Variants in ANKZF1 observed in about 807,000 individuals in gnomAD.
ANKZF1 encodes the protein tRNA endonuclease ANKZF1.
In ANKZF1, 84 loss-of-function variants were observed where a neutral mutation model predicts 86.0. The observed-to-expected ratio is 0.98, with a 90% confidence interval of 0.82 to 1.17. The LOEUF (loss-of-function observed/expected upper bound fraction) is 1.17, where lower values mean the gene tolerates loss of function less well. Among genes scored for constraint, ANKZF1 ranks in the 50% most tolerant of loss-of-function variants. ANKZF1 has a pLI of 0.00. For synonymous variants in ANKZF1, 331 were observed against 354.2 expected (o/e 0.93, Z 0.74); for missense variants, 893 against 918.4 (o/e 0.97, Z 0.36).
chr2:219,232,950 TG>T, intron 5 of ANKZF1, 128 bp from the exon 6 acceptor site: 1 of 984,584 alleles, frequency 1.0e-6, no homozygotes, highest in Non-Finnish European at 1.5e-6. Context: ...CAAATTTCCT[TG>T]TTTGTCAAAT....
chr2:219,233,784 C>T lies in ANKZF1; in HGVS notation c.889C>T (p.Arg297Cys), dbSNP rs57075420. The T allele has an allele frequency of 6.5e-4, 1,044 of 1,614,088 alleles. 7 individuals are homozygous for T. In the East Asian group the frequency reaches 0.019, roughly 29 times the overall value. The stretch of plus-strand genomic sequence containing the variant: ...GGAGGAGGCTGGTACAATACTGTTG[C>T]GTGCTCCCCGCTCTGGCCGGTCTTT... The part of the protein sequence containing the change: ...ALEEAGTILL[R>C]APRSGRSLFF... The change falls in exon 8 of 14, where the codon CGT (arginine) becomes TGT (cysteine). Residue 297 changes from arginine (R) to cysteine (C), a missense_variant. By Grantham distance (180) the Arg-to-Cys change is radical. Coordinates refer to ENST00000323348, the MANE Select transcript of ANKZF1 (RefSeq NM_018089.3).
Position 219,235,057 on chromosome 2 carries a change from T to G in ANKZF1, c.1436T>G (p.Leu479Trp). Residue 479 changes from leucine (L) to tryptophan (W), a missense_variant, in exon 10 of 14, where the codon TTG (leucine) becomes TGG (tryptophan). Coordinates refer to ENST00000323348, the MANE Select transcript of ANKZF1 (RefSeq NM_018089.3). ...TQSSQAVAAPLGPLLDEAKAP... is the reference protein window; with the variant it reads ...TQSSQAVAAPWGPLLDEAKAP... ...TCATCCCAGGCAGTTGCTGCCCCCT[T>G]GGGCCCTTTGCTGGATGAGGCCAAA... The G allele has an allele frequency of 6.2e-7, 1 of 1,614,260 alleles. No homozygotes were observed.
Position 219,235,954 on chromosome 2 carries a change from T to C in ANKZF1, c.1972-56T>C, listed in dbSNP as rs550693573. On this transcript the variant is annotated intron_variant, in intron 12 of 13. Transcript: ENST00000323348. ...TTCCCCAGCGTGCAGCTGTCACCTC[T>C]TGGGTGCCCTACTCGCCACTGGGGC... 1.9e-6 allele frequency: 3 copies of C among 1,613,942 alleles called. No individual in the cohort carries two copies. The East Asian group carries it at 6.7e-5, about 36-fold the overall frequency.
chr2:219,234,176 A>G lies in ANKZF1; in HGVS notation c.1092A>G (p.Thr364=), dbSNP rs780416274. The change falls in exon 9 of 14, where the codon ACA becomes ACG. Residue 364 remains threonine, a synonymous_variant. Coordinates refer to ENST00000323348, the MANE Select transcript of ANKZF1 (RefSeq NM_018089.3). ...CAGTCAGACTGCACTCACCTCAGAC[A>G]CACTGGAAAACAGTAAGAGAGGAGA... ...REAVRLHSPQ[T]HWKTVREERK... 1 of 1,614,144 alleles carries G rather than the reference A, an allele frequency of 6.2e-7. No individual in the cohort carries two copies. The highest frequency in any genetic ancestry group is 8.5e-7 in the Non-Finnish European group (1 of 1,180,028).
Position 219,233,303 on chromosome 2 carries a change from A to G in ANKZF1, c.689A>G (p.His230Arg), listed in dbSNP as rs776242471. 2 of 1,614,274 alleles carry G rather than the reference A, an allele frequency of 1.2e-6. No homozygotes were observed. Among genetic ancestry groups the G allele is most frequent in the African/African-American group, 1.3e-5 (1 of 75,082 alleles). The stretch of plus-strand genomic sequence containing the variant: ...GTCTACAGAAGAGAAGTGGTGACAC[A>G]CAAAACTTTTCACCGCTATACGGTT... ...AIFQGREVVT[H>R]KTFHRYTVRA... The change falls in exon 7 of 14, where the codon CAC becomes CGC. Residue 230 changes from histidine to arginine, a missense_variant. His to Arg is a conservative substitution (Grantham distance 29, BLOSUM62 0). Coordinates refer to ENST00000323348, the MANE Select transcript of ANKZF1 (RefSeq NM_018089.3).
chr2:219,232,482 G>A lies in ANKZF1; in HGVS notation c.365-8G>A. ...CAAACTTGTGTATCTCATATTGTCT[G>A]TCTTCAGGAGATCTTTCCAGCATCT... On this transcript the variant is annotated splice_region_variant and splice_polypyrimidine_tract_variant and intron_variant, in intron 4 of 13. Transcript: ENST00000323348. 1 of 1,614,032 alleles carries A rather than the reference G, an allele frequency of 6.2e-7. No homozygotes were observed. Among genetic ancestry groups the A allele is most frequent in the East Asian group, 2.2e-5 (1 of 44,890 alleles).
intron 8 of ANKZF1, 84 bp downstream of exon 8, chr2:219,234,027 G>A (rs1379413488): frequency 6.5e-7 from 1 of 1,534,308 alleles, no homozygotes; most frequent in African/African-American, 1.4e-5. Context: ...TATATCCAGA[G>A]GATTTTCTAA....
chr2:219,233,088 G>A lies in ANKZF1; in HGVS notation c.568G>A (p.Glu190Lys). ...CTTCTCTGTCATCAAGGATCCCCCAGAAGAGGCAGAACTGCTGCTACAGAA... is the reference window on the plus strand; with the variant it reads ...CTTCTCTGTCATCAAGGATCCCCCAAAAGAGGCAGAACTGCTGCTACAGAA... ...CVLGPHQDPP[E>K]EAELLLQNLQ... The change falls in exon 6 of 14, where the codon GAA becomes AAA. Residue 190 changes from glutamate to lysine, a missense_variant. By Grantham distance (56) the Glu-to-Lys change is moderately conservative. Transcript: ENST00000323348. 6.2e-7 allele frequency: 1 copy of A among 1,613,840 alleles called. No homozygotes were observed. Among genetic ancestry groups the A allele is most frequent in the Non-Finnish European group, 8.5e-7 (1 of 1,179,950 alleles).
In ANKZF1 at chr2:219,233,885, A is replaced by C; in HGVS notation, c.990A>C (p.Arg330Ser). The C allele has an allele frequency of 6.2e-7, 1 of 1,610,392 alleles. No homozygotes were observed. The highest frequency in any genetic ancestry group is 8.5e-7 in the Non-Finnish European group (1 of 1,178,330). ...GGGATATCCCCCTCGCCACCCGCAG[A>C]CCCACCTTCCAAGAGCTACAGCGTG... The part of the protein sequence containing the change: ...RLWDIPLATR[R>S]PTFQELQRVL... The change falls in exon 8 of 14, where the codon AGA (arginine) becomes AGC (serine). Residue 330 changes from arginine (R) to serine (S), a missense_variant. Transcript: ENST00000323348.
intron 5 of ANKZF1, 87 bp from the exon 6 acceptor site, chr2:219,232,992 T>C: frequency 2.4e-6 from 3 of 1,243,750 alleles, no homozygotes; most frequent in Non-Finnish European, 3.5e-6. Flanking sequence ...TAATATTAAA[T>C]GAGATAATGT....
rs1309151066 is a variant in ANKZF1 at position 219,236,456 on chromosome 2, C to G, written c.*11C>G. On this transcript the variant is annotated 3_prime_UTR_variant, in exon 14 of 14. Transcript: ENST00000323348. ...AGGCCCTCTTCCTGATCTCTTACAG[C>G]TCTACCTGGGGCCAACTCAGGGACC... is the stretch of plus-strand genomic sequence containing the variant. 7 of 1,573,934 alleles carry G rather than the reference C, an allele frequency of 4.4e-6. No individual in the cohort carries two copies. In the East Asian group the frequency reaches 1.6e-4, roughly 35 times the overall value.
chr2:219,233,300 C>G lies in ANKZF1; in HGVS notation c.686C>G (p.Thr229Arg). 3.7e-6 allele frequency: 6 copies of G among 1,614,248 alleles called. No individual in the cohort carries two copies. Among genetic ancestry groups the G allele is most frequent in the Non-Finnish European group, 5.1e-6 (6 of 1,180,046 alleles). ...GCTGTCTACAGAAGAGAAGTGGTGACACACAAAACTTTTCACCGCTATACG... is the reference window on the plus strand; with the variant it reads ...GCTGTCTACAGAAGAGAAGTGGTGAGACACAAAACTTTTCACCGCTATACG... ...GAIFQGREVV[T>R]HKTFHRYTVR... Residue 229 changes from threonine (T) to arginine (R), a missense_variant, in exon 7 of 14, where the codon ACA (threonine) becomes AGA (arginine). By Grantham distance (71) the Thr-to-Arg change is moderately conservative. Transcript: ENST00000323348.
At chr2:219,235,411 G>A (rs75928081) in intron 10 of ANKZF1, 63 bp from the exon 11 acceptor site, 42,090 of 1,606,334 alleles carry the variant, frequency 0.026, 696 homozygotes, top group Non-Finnish European at 0.032. Flanking sequence ...CCTTGGTCTG[G>A]TTGGGTGATG....
At position 219,235,313 on chromosome 2, in the gene ANKZF1, G is replaced by A. The variant is rs758768090; in HGVS notation, c.1691+1G>A. Reference sequence around the variant, plus strand: ...AAGCAGGTGCTGACCCCACTGTGCAGTGAGTAAAGGTCCCCATCCTGAGTC... The same window carrying A: ...AAGCAGGTGCTGACCCCACTGTGCAATGAGTAAAGGTCCCCATCCTGAGTC... On this transcript the variant is annotated splice_donor_variant, in intron 10 of 13. Transcript: ENST00000323348. LOFTEE classifies it high-confidence loss of function. 1.2e-6 allele frequency: 2 copies of A among 1,608,178 alleles called. No individual in the cohort carries two copies. The highest frequency in any genetic ancestry group is 2.2e-5 in the East Asian group (1 of 44,818).
intron 2 of ANKZF1, chr2:219,231,502 C>T: frequency 5.3e-6 from 1 of 186,954 alleles, no homozygotes; most frequent in Non-Finnish European, 1.1e-5. Flanking sequence ...TCATGCCGTT[C>T]TCCTGCCTCA....
chr2:219,232,141 A>C, intron 3 of ANKZF1, 101 bp downstream of exon 3: 2 of 1,412,936 alleles, frequency 1.4e-6, no homozygotes, highest in Non-Finnish European at 2.0e-6. Flanking sequence ...CCATGCTTTG[A>C]CTGAGGCAGT....
rs1335251961 is a variant in ANKZF1 at position 219,232,690 on chromosome 2, GACAGT to G, written c.558+12_558+16del. Reference sequence around the variant, plus strand: ...TGTCCTAGGCCCTCATCAGGCAAGTGACAGTACAGGTTGCATGGCTAACCCCAGCC... The same window carrying G: ...TGTCCTAGGCCCTCATCAGGCAAGTGACAGGTTGCATGGCTAACCCCAGCC... On this transcript the variant is annotated splice_region_variant and intron_variant, in intron 5 of 13. Coordinates refer to ENST00000323348, the MANE Select transcript of ANKZF1 (RefSeq NM_018089.3). 1 of 1,612,924 alleles carries G rather than the reference GACAGT, an allele frequency of 6.2e-7. No homozygotes were observed. Among genetic ancestry groups the G allele is most frequent in the Non-Finnish European group, 8.5e-7 (1 of 1,179,688 alleles).
intron 9 of ANKZF1, chr2:219,234,622 C>T (rs1951147537): frequency 1.4e-6 from 1 of 727,760 alleles, no homozygotes; most frequent in Non-Finnish European, 2.2e-6. Context: ...TAAGGCTACT[C>T]ATACGGAGAG....
rs1951201216 is a variant in ANKZF1, at chr2:219,235,805, GGCAGCA to G, written c.1903_1908del (p.Gln635_Gln636del). ...CGGCAACGGGAGGAACAGCAGCAGA[GGCAGCA>G]GGAGCAGGAGGAGCGTGAACGAGAA... On this transcript the variant is annotated inframe_deletion, in exon 12 of 14. Transcript: ENST00000323348. The G allele has an allele frequency of 1.2e-6, 2 of 1,614,246 alleles. No homozygotes were observed. Among genetic ancestry groups the G allele is most frequent in the Non-Finnish European group, 8.5e-7 (1 of 1,180,044 alleles).
Sources: allele counts gnomAD v4.1 joint callset, GRCh38; gene constraint gnomAD v4.1.1; transcripts MANE v1.5; gene names NCBI Gene and HGNC (gene_info 2026-07-23, HGNC 2026-07-21).